ARSB: variants seen among roughly 807,000 people sequenced by gnomAD.
The protein encoded by ARSB is N-acetylgalactosamine-4-sulfatase.
A neutral mutation model predicts 50.9 loss-of-function variants in ARSB; 41 were observed. The ratio of observed to expected loss-of-function variants is 0.81; its 90% CI spans 0.63 to 1.04. The LOEUF is 1.04. Among genes scored for constraint, ARSB ranks in the 50% least tolerant of loss-of-function variants. The probability of loss-of-function intolerance (pLI) is 0.00; values close to 1 mark genes in which losing one functional copy is unlikely to be tolerated. For missense variants in ARSB, 672 were observed against 693.3 expected (o/e 0.97, Z 0.35); for synonymous variants, 269 against 284.8 (o/e 0.94, Z 0.56).
chr5:78,879,210 G>C (rs16876000), intron 5 of ARSB, among the ~76,000 whole-genome samples: 2,659 of 152,282 alleles, frequency 0.017, 36 homozygotes, highest in Middle Eastern at 0.061. Flanking sequence ...AAACTTGCAA[G>C]GTTTTAATCC....
intron 4 of ARSB, among the ~76,000 whole-genome samples, chr5:78,940,800 GT>G (rs1328619712): frequency 1.3e-5 from 2 of 152,174 alleles, no homozygotes; most frequent in Non-Finnish European, 2.9e-5. Flanking sequence ...CTTTAAAGTA[GT>G]TTTTTCCAGT....
At chr5:78,869,191 T>C (rs1033425144) in intron 5 of ARSB, among the ~76,000 whole-genome samples, 10 of 121,848 alleles carry the variant, frequency 8.2e-5, no homozygotes, top group African/African-American at 3.3e-4. Context: ...CAAAGAGACT[T>C]AGACTCCCAC....
chr5:78,964,856 GTT>G (rs3839268), intron 2 of ARSB, among the ~76,000 whole-genome samples: 4 of 149,982 alleles, frequency 2.7e-5, no homozygotes, highest in Middle Eastern at 3.5e-3. Flanking sequence ...AACACTAACA[GTT>G]TTTTTTTTTA....
intron 5 of ARSB, among the ~76,000 whole-genome samples, chr5:78,840,506 T>C (rs1268919566): frequency 6.6e-6 from 1 of 152,086 alleles, no homozygotes; most frequent in Non-Finnish European, 1.5e-5. Flanking sequence ...TAAGGAAATA[T>C]AAAAACAAAT....
chr5:78,949,796 G>C (rs1033575172), intron 4 of ARSB, among the ~76,000 whole-genome samples: 3 of 152,130 alleles, frequency 2.0e-5, no homozygotes, highest in African/African-American at 4.8e-5. Context: ...TGTAATCCCA[G>C]CTATTTGGGA....
intron 1 of ARSB, among the ~76,000 whole-genome samples, chr5:78,973,944 C>G (rs1217907908): frequency 1.3e-5 from 2 of 152,146 alleles, no homozygotes. Context: ...GCCACTCTAC[C>G]CCTCCACCTT....
At chr5:78,821,246 C>G (rs1351640108) in intron 6 of ARSB, among the ~76,000 whole-genome samples, 1 of 152,196 alleles carries the variant, frequency 6.6e-6, no homozygotes, top group East Asian at 1.9e-4. Context: ...AGCTATTCTC[C>G]TGCCTCAGCC....
At chr5:78,801,623 CCT>C (rs1302140378) in intron 6 of ARSB, among the ~76,000 whole-genome samples, 1 of 152,144 alleles carries the variant, frequency 6.6e-6, no homozygotes, top group Admixed American at 6.6e-5. Context: ...CGTCATCTGC[CCT>C]GTCTCCTTCT....
intron 5 of ARSB, among the ~76,000 whole-genome samples, chr5:78,843,035 G>A (rs2112003328): frequency 6.6e-6 from 1 of 152,300 alleles, no homozygotes; most frequent in South Asian, 2.1e-4. Context: ...AGATGCACAG[G>A]CTGCATCTCA....
chr5:78,856,444 A>C (rs1431328319), intron 5 of ARSB, among the ~76,000 whole-genome samples: 3 of 152,240 alleles, frequency 2.0e-5, no homozygotes, highest in Non-Finnish European at 4.4e-5. Flanking sequence ...TCTATAATCA[A>C]TATCTTAATA....
intron 6 of ARSB, among the ~76,000 whole-genome samples, chr5:78,831,368 A>G (rs1316138112): frequency 6.6e-6 from 1 of 151,926 alleles, no homozygotes; most frequent in African/African-American, 2.4e-5. Flanking sequence ...GAGTGAATAC[A>G]AGGCACTGAC....
chr5:78,798,785 G>A (rs944089896), intron 6 of ARSB, among the ~76,000 whole-genome samples: 3 of 152,186 alleles, frequency 2.0e-5, no homozygotes, highest in African/African-American at 4.8e-5. Context: ...CTGACCCCAG[G>A]AGCCCATACT....
At chr5:78,961,969 G>A (rs895156262) in intron 3 of ARSB, among the ~76,000 whole-genome samples, 1 of 152,086 alleles carries the variant, frequency 6.6e-6, no homozygotes, top group African/African-American at 2.4e-5. Context: ...AAGTTTCCCA[G>A]ATGATTCTAA....
At chr5:78,937,590 T>C (rs1018551646) in intron 4 of ARSB, among the ~76,000 whole-genome samples, 12 of 151,410 alleles carry the variant, frequency 7.9e-5, no homozygotes, top group African/African-American at 2.9e-4. Context: ...TAAGACATTA[T>C]AGCATAGTAT....
At chr5:78,849,968 C>T (rs558346647) in intron 5 of ARSB, among the ~76,000 whole-genome samples, 19 of 151,646 alleles carry the variant, frequency 1.3e-4, no homozygotes, top group East Asian at 5.8e-4. Context: ...GGGGCTGAGA[C>T]GATGGGGTTT....
intron 6 of ARSB, among the ~76,000 whole-genome samples, chr5:78,797,121 G>A (rs1349505660): frequency 4.6e-5 from 7 of 151,946 alleles, no homozygotes; most frequent in East Asian, 3.9e-4. Context: ...CTCGTGATCC[G>A]CCCGCCTCGG....
chr5:78,863,675 G>A (rs896067661), intron 5 of ARSB, among the ~76,000 whole-genome samples: 1 of 152,072 alleles, frequency 6.6e-6, no homozygotes, highest in South Asian at 2.1e-4. Flanking sequence ...GTTAATGGGT[G>A]CAGGACACCA....
At chr5:78,842,455 G>A (rs1745267613) in intron 5 of ARSB, among the ~76,000 whole-genome samples, 2 of 152,170 alleles carry the variant, frequency 1.3e-5, no homozygotes, top group Admixed American at 6.5e-5. Context: ...TATAGGAAGA[G>A]CATGCCCCAG....
At chr5:78,787,240 A>G (rs1173637100) in intron 6 of ARSB, among the ~76,000 whole-genome samples, 1 of 152,142 alleles carries the variant, frequency 6.6e-6, no homozygotes, top group Non-Finnish European at 1.5e-5. Flanking sequence ...AGCCACACAC[A>G]TAGCTGATCT....
Sources: gnomAD v4.1 joint callset for allele counts (sites outside exome capture counted in the v4.1 genomes callset) on GRCh38, gnomAD v4.1.1 for gene constraint, MANE v1.5 for transcripts, NCBI Gene and HGNC (gene_info 2026-07-23, HGNC 2026-07-21) for gene names.